The following HERPUD2 variants were observed in gnomAD, a reference collection of about 807,000 sequenced individuals.
The protein encoded by HERPUD2 is homocysteine-responsive endoplasmic reticulum-resident ubiquitin-like domain member 2 protein.
Under a neutral mutation model 49.9 loss-of-function variants are expected in HERPUD2, and 13 were observed. That is an observed-to-expected ratio of 0.26 (90% CI 0.17 to 0.41). The LOEUF (loss-of-function observed/expected upper bound fraction) is 0.41, where lower values mean the gene tolerates loss of function less well. Ranked by LOEUF, HERPUD2 falls within the 10% of genes least tolerant of loss-of-function variation. The probability of loss-of-function intolerance (pLI) is 1.00; values close to 1 mark genes in which losing one functional copy is unlikely to be tolerated. For synonymous variants in HERPUD2, 172 were observed against 171.4 expected (o/e 1.00, Z -0.03); for missense variants, 449 against 492.2 (o/e 0.91, Z 0.83).
chr7:35,646,403 A>C (rs1785055032), intron 5 of HERPUD2, among the ~76,000 whole-genome samples: 1 of 152,130 alleles, frequency 6.6e-6, no homozygotes, highest in Non-Finnish European at 1.5e-5. Flanking sequence ...CTCTAAAAAA[A>C]AAAATTCAAT....
At chr7:35,659,404 G>A (rs1016767447) in intron 5 of HERPUD2, among the ~76,000 whole-genome samples, 6 of 152,154 alleles carry the variant, frequency 3.9e-5, no homozygotes, top group African/African-American at 1.4e-4. Flanking sequence ...CTGTTTTAGT[G>A]TACCATACAC....
At chr7:35,678,708 T>C (rs567349336) in intron 2 of HERPUD2, among the ~76,000 whole-genome samples, 7 of 152,336 alleles carry the variant, frequency 4.6e-5, no homozygotes, top group Admixed American at 1.3e-4. Context: ...AAGAAGTCCA[T>C]ATCCAAAACA....
rs572358129 is a variant in HERPUD2, at chr7:35,632,758, G to A, written c.*932C>T. On this transcript the variant is annotated 3_prime_UTR_variant, in exon 9 of 9. Coordinates refer to ENST00000311350, the MANE Select transcript of HERPUD2 (RefSeq NM_022373.5). ...GCCTATATCAAACATTTTATATCACGTTAATTCCATTGAAGAGCTGCCTTT... is the reference window on the plus strand; with the variant it reads ...GCCTATATCAAACATTTTATATCACATTAATTCCATTGAAGAGCTGCCTTT... 4 of 152,424 alleles carry A rather than the reference G, an allele frequency of 2.6e-5. No homozygotes were observed. In the South Asian group the frequency reaches 6.2e-4, roughly 24 times the overall value. The allele number at this position is 152,424 out of a possible 1,614,324, so 9.4% of individuals were successfully genotyped here. A position where few individuals can be genotyped will look rare whatever the true frequency, so the allele number is the denominator to read the frequency against.
rs369496104 is a variant in HERPUD2 at position 35,634,261 on chromosome 7, G to A, written c.1059+51C>T. Reference sequence around the variant, plus strand: ...TCTTTCATCATGTTGGTCCCATACCGTGCTGGGAAAATCTCAGTATCTTAA... The same window carrying A: ...TCTTTCATCATGTTGGTCCCATACCATGCTGGGAAAATCTCAGTATCTTAA... On this transcript the variant is annotated intron_variant, in intron 8 of 8. Transcript: ENST00000311350. The A allele has an allele frequency of 5.7e-5, 66 of 1,165,540 alleles. 1 individual carries two copies. The highest frequency in any genetic ancestry group is 1.9e-4 in the East Asian group (8 of 42,694). 72.2% of individuals were successfully genotyped at this position (1,165,540 alleles called of 1,614,324 possible). A position where few individuals can be genotyped will look rare whatever the true frequency, so the allele number is the denominator to read the frequency against.
At position 35,667,507 on chromosome 7, in the gene HERPUD2, A is replaced by C; in HGVS notation, c.421T>G (p.Leu141Val). The C allele has an allele frequency of 6.2e-7, 1 of 1,613,978 alleles. No homozygotes were observed. The highest frequency in any genetic ancestry group is 8.5e-7 in the Non-Finnish European group (1 of 1,179,886). ...GCTTGTGGAAGGGTACGCTGCCTCA[A>C]TCCTTCTGAGGAAGAACCCACAGCT... ...SLAVGSSSEG[L>V]RQRTLPQAQT... Residue 141 changes from leucine (L) to valine (V), a missense_variant, in exon 5 of 9, where the codon TTG (leucine) becomes GTG (valine). Transcript: ENST00000311350.
intron 2 of HERPUD2, among the ~76,000 whole-genome samples, chr7:35,676,132 G>A (rs552787601): frequency 6.6e-6 from 1 of 152,102 alleles, no homozygotes; most frequent in Non-Finnish European, 1.5e-5. Context: ...TCCAAATAAG[G>A]TTCACACACA....
In HERPUD2 at chr7:35,694,387, G is replaced by A; in HGVS notation, c.-57C>T. ...AGCGGCAGTTAAGCCCAAAAGAGCC[G>A]AGATGGTCACCGCCGGCGCGACTGG... On this transcript the variant is annotated 5_prime_UTR_variant, in exon 2 of 9. Coordinates refer to ENST00000311350, the MANE Select transcript of HERPUD2 (RefSeq NM_022373.5). 1 of 1,596,986 alleles carries A rather than the reference G, an allele frequency of 6.3e-7. No homozygotes were observed. The highest frequency in any genetic ancestry group is 8.6e-7 in the Non-Finnish European group (1 of 1,165,382).
intron 5 of HERPUD2, among the ~76,000 whole-genome samples, chr7:35,641,342 A>C (rs1300822771): frequency 2.0e-5 from 3 of 152,210 alleles, no homozygotes; most frequent in Admixed American, 6.5e-5. Context: ...CTCTATGGAA[A>C]AAAAATTCTA....
intron 2 of HERPUD2, among the ~76,000 whole-genome samples, chr7:35,674,404 T>TAGAG (rs3999932): frequency 1.4e-3 from 55 of 38,116 alleles, no homozygotes; most frequent in Non-Finnish European, 1.6e-3. Flanking sequence ...TATATATATA[T>TAGAG]AGAGAGAGAG....
intron 2 of HERPUD2, among the ~76,000 whole-genome samples, chr7:35,687,784 A>G (rs1036339672): frequency 3.9e-5 from 6 of 152,236 alleles, no homozygotes; most frequent in African/African-American, 1.4e-4. Flanking sequence ...CACATTTAAA[A>G]TATCTCCTGG....
chr7:35,680,004 C>T (rs1785845256), intron 2 of HERPUD2, among the ~76,000 whole-genome samples: 1 of 152,216 alleles, frequency 6.6e-6, no homozygotes, highest in African/African-American at 2.4e-5. Context: ...TCTACCTACA[C>T]TGCCATTACC....
At chr7:35,685,250 G>T (rs1173232620) in intron 2 of HERPUD2, among the ~76,000 whole-genome samples, 13 of 148,294 alleles carry the variant, frequency 8.8e-5, no homozygotes, top group African/African-American at 3.2e-4. Context: ...AAAAAAAACA[G>T]AAAAGAAAAC....
chr7:35,691,361 TATCTTTGTAGG>T (rs1362957264), intron 2 of HERPUD2, among the ~76,000 whole-genome samples: 1 of 151,108 alleles, frequency 6.6e-6, no homozygotes, highest in Non-Finnish European at 1.5e-5. Flanking sequence ...ACATATGACC[TATCTTTGTAGG>T]ATCCTAAAAG....
chr7:35,674,418 G>T (rs1364850561), intron 2 of HERPUD2, among the ~76,000 whole-genome samples: 4,076 of 39,466 alleles, frequency 0.1, 112 homozygotes, highest in African/African-American at 0.13. Flanking sequence ...GAGAGAGAGA[G>T]AGAGAGAGAG....
chr7:35,655,797 A>G (rs965896263), intron 5 of HERPUD2, among the ~76,000 whole-genome samples: 3 of 152,234 alleles, frequency 2.0e-5, no homozygotes, highest in African/African-American at 7.2e-5. Context: ...TTAGATTTGG[A>G]AAGTTACAGG....
intron 5 of HERPUD2, among the ~76,000 whole-genome samples, chr7:35,660,593 C>T (rs998500376): frequency 1.3e-5 from 2 of 152,204 alleles, no homozygotes; most frequent in African/African-American, 4.8e-5. Flanking sequence ...GATGGCATCT[C>T]GTTGTGGTTT....
chr7:35,686,594 CT>C (rs1174692710), intron 2 of HERPUD2, among the ~76,000 whole-genome samples: 8 of 139,314 alleles, frequency 5.7e-5, no homozygotes, highest in African/African-American at 1.8e-4. Flanking sequence ...TGGCGGGCGC[CT>C]GTAGTCCCAG....
intron 5 of HERPUD2, among the ~76,000 whole-genome samples, chr7:35,664,741 C>A (rs1205116716): frequency 6.6e-6 from 1 of 152,216 alleles, no homozygotes; most frequent in Non-Finnish European, 1.5e-5. Flanking sequence ...TCAGCTCCAT[C>A]AGGTCATTTA....
At chr7:35,637,285 A>G (rs530708320) in intron 6 of HERPUD2, among the ~76,000 whole-genome samples, 1 of 152,308 alleles carries the variant, frequency 6.6e-6, no homozygotes, top group Admixed American at 6.5e-5. Flanking sequence ...AGTCAAGTGG[A>G]CTTAGAATGA....
Sources: allele counts gnomAD v4.1 joint callset (sites outside exome capture counted in the v4.1 genomes callset), GRCh38; gene constraint gnomAD v4.1.1; transcripts MANE v1.5; gene names NCBI Gene and HGNC (gene_info 2026-07-23, HGNC 2026-07-21).